Variants in CRADD observed in about 807,000 individuals in gnomAD.
The protein encoded by CRADD is death domain-containing protein CRADD.
CRADD carries 9 observed loss-of-function variants against 15.5 expected under a neutral mutation model. The ratio of observed to expected loss-of-function variants is 0.58; its 90% confidence interval spans 0.35 to 1.01. The LOEUF (loss-of-function observed/expected upper bound fraction) is 1.01, where lower values mean the gene tolerates loss of function less well. Among genes scored for constraint, CRADD ranks in the 50% least tolerant of loss-of-function variants. CRADD has a pLI of 0.02. For missense variants in CRADD, 227 were observed against 250.3 expected (o/e 0.91, Z 0.63); for synonymous variants, 118 against 107.6 (o/e 1.10, Z -0.60).
chr12:93,785,493 T>C (rs1033820400), intron 2 of CRADD, among the ~76,000 whole-genome samples: 3 of 152,228 alleles, frequency 2.0e-5, no homozygotes, highest in Admixed American at 6.5e-5. Context: ...GGGCTTCCTT[T>C]GTAGCTTCTT....
chr12:93,725,444 C>CA lies in CRADD; in HGVS notation c.298+46375dup, dbSNP rs547963084. On this transcript the variant is annotated intron_variant, in intron 2 of 2. Transcript: ENST00000332896. ...TGTTTTTAAAAAGTAGAAATTGAACCAAATGCCATTACTGTCTTTATTGAC... is the reference window on the plus strand; with the variant it reads ...TGTTTTTAAAAAGTAGAAATTGAACCAAAATGCCATTACTGTCTTTATTGAC... Among the ~76,000 whole-genome samples, 353 of 143,104 alleles carry CA rather than the reference C, an allele frequency of 2.5e-3. 2 individuals are homozygous for CA. Among genetic ancestry groups the CA allele is most frequent in the African/African-American group, 9.9e-3 (327 of 33,150 alleles). 93.9% of individuals were successfully genotyped at this position (143,104 alleles called of 152,430 possible).
chr12:93,833,083 G>T (rs1452293414), intron 2 of CRADD, among the ~76,000 whole-genome samples: 1 of 152,186 alleles, frequency 6.6e-6, no homozygotes, highest in Non-Finnish European at 1.5e-5. Flanking sequence ...AGGCTCTTTT[G>T]CCTTTGTGGC....
At chr12:93,880,583 G>C (rs555809236) in intron 2 of CRADD, among the ~76,000 whole-genome samples, 1 of 152,260 alleles carries the variant, frequency 6.6e-6, no homozygotes, top group African/African-American at 2.4e-5. Context: ...TAAAAATATG[G>C]TTTGGAAGTG....
At position 93,850,187 on chromosome 12, in the gene CRADD, G is replaced by A; in HGVS notation, c.516G>A (p.Gly172=). 2 of 1,613,698 alleles carry A rather than the reference G, an allele frequency of 1.2e-6. No homozygotes were observed. Among genetic ancestry groups the A allele is most frequent in the South Asian group, 2.2e-5 (2 of 91,080 alleles). Residue 172 remains glycine (G), a synonymous_variant, in exon 3 of 3, where the codon GGG becomes GGA. Transcript: ENST00000332896. This position sits in a 1 kb window ranked among gnomAD's most constrained non-coding sequence, Gnocchi z 4.0. ...EAFIRWRQRF[G]KQATFQSLHN... The stretch of plus-strand genomic sequence containing the variant: ...TCATCCGTTGGCGGCAGCGCTTCGG[G>A]AAGCAGGCCACCTTCCAGAGCCTGC...
intron 2 of CRADD, among the ~76,000 whole-genome samples, chr12:93,691,864 G>A (rs1218304666): frequency 6.6e-6 from 1 of 152,082 alleles, no homozygotes; most frequent in Non-Finnish European, 1.5e-5. Flanking sequence ...ACCAAAATGA[G>A]AAATTTTGAA....
chr12:93,837,624 A>G (rs1327868583), intron 2 of CRADD: 1 of 152,196 alleles, frequency 6.6e-6, no homozygotes, highest in Non-Finnish European at 1.5e-5. Context: ...CTAAAGGCCC[A>G]CGAGGGTTGT....
intron 2 of CRADD, among the ~76,000 whole-genome samples, chr12:93,783,814 A>C (rs1957239531): frequency 6.6e-6 from 1 of 152,240 alleles, no homozygotes; most frequent in Admixed American, 6.5e-5. Flanking sequence ...AAGCAAATGA[A>C]CAAGTGAAAT....
chr12:93,725,620 T>C (rs955732022), intron 2 of CRADD, among the ~76,000 whole-genome samples: 8 of 152,232 alleles, frequency 5.3e-5, no homozygotes, highest in African/African-American at 1.9e-4. Context: ...GAGATTCAGA[T>C]TTTGCTGAAG....
chr12:93,746,152 T>A (rs955130861), intron 2 of CRADD, among the ~76,000 whole-genome samples: 2 of 152,220 alleles, frequency 1.3e-5, no homozygotes, highest in Non-Finnish European at 2.9e-5. Flanking sequence ...AGAAAATTAA[T>A]GAGCTACAGG....
At chr12:93,687,613 A>G (rs967215426) in intron 2 of CRADD, among the ~76,000 whole-genome samples, 86 of 152,302 alleles carry the variant, frequency 5.6e-4, no homozygotes, top group African/African-American at 2.0e-3. Flanking sequence ...GCTGGTTAGG[A>G]GCGTGCCTCC....
intron 2 of CRADD, among the ~76,000 whole-genome samples, chr12:93,795,505 A>G (rs1453277444): frequency 1.3e-5 from 2 of 152,198 alleles, no homozygotes; most frequent in Non-Finnish European, 2.9e-5. Flanking sequence ...GGCTGCTCGC[A>G]CGTCCTCTTC....
At chr12:93,811,285 C>T (rs2137008196) in intron 2 of CRADD, among the ~76,000 whole-genome samples, 1 of 152,280 alleles carries the variant, frequency 6.6e-6, no homozygotes, top group East Asian at 1.9e-4. Context: ...CCTTACAGCC[C>T]CTCCCCAGAA....
intron 2 of CRADD, among the ~76,000 whole-genome samples, chr12:93,838,214 G>GTTTTTTTT (rs66564800): frequency 1.9e-4 from 25 of 130,584 alleles, no homozygotes; most frequent in African/African-American, 2.3e-4. Context: ...TCCTTTTGAG[G>GTTTTTTTT]TTTTTTTTTT....
chr12:93,882,036 A>T (rs1958505668), intron 2 of CRADD, among the ~76,000 whole-genome samples: 2 of 152,148 alleles, frequency 1.3e-5, no homozygotes, highest in South Asian at 4.1e-4. Context: ...AGGCAGGAGA[A>T]TCGCTTGAAC....
At chr12:93,838,000 G>C (rs1050949532) in intron 2 of CRADD, 2 of 152,136 alleles carry the variant, frequency 1.3e-5, no homozygotes, top group Non-Finnish European at 2.9e-5. Context: ...GGACTCGATA[G>C]TCAAATCAAG....
intron 2 of CRADD, among the ~76,000 whole-genome samples, chr12:93,874,225 T>C (rs540089861): frequency 3.3e-5 from 5 of 152,142 alleles, no homozygotes; most frequent in Non-Finnish European, 7.4e-5. Flanking sequence ...TTCCAATTTA[T>C]TGGCATTTGG....
intron 2 of CRADD, among the ~76,000 whole-genome samples, chr12:93,786,762 GA>G (rs1394384348): frequency 6.6e-6 from 1 of 152,154 alleles, no homozygotes; most frequent in Non-Finnish European, 1.5e-5. Flanking sequence ...TGACAATGAG[GA>G]AACACGAGAC....
intron 2 of CRADD, among the ~76,000 whole-genome samples, chr12:93,779,594 T>C (rs1957178653): frequency 6.7e-6 from 1 of 149,240 alleles, no homozygotes; most frequent in African/African-American, 2.4e-5. Flanking sequence ...AAAGAACCTT[T>C]TTTTTTTTTT....
chr12:93,788,633 AGTT>A lies in CRADD; in HGVS notation c.299-61331_299-61329del, dbSNP rs776832395. ...TGATTTTAAAGGGAGGGTGTGAGGT[AGTT>A]GTTGTCTAGTTGTCTAGATATCCTC... On this transcript the variant is annotated intron_variant, in intron 2 of 2. Transcript: ENST00000332896. 5.9e-5 allele frequency among the ~76,000 whole-genome samples: 9 copies of A among 152,270 alleles called. No homozygotes were observed. In the South Asian group the frequency reaches 1.0e-3, roughly 18 times the overall value.
Sources: gnomAD v4.1 joint callset for allele counts (sites outside exome capture counted in the v4.1 genomes callset) on GRCh38, gnomAD v4.1.1 for gene constraint, Gnocchi (gnomAD v3.1) non-coding constraint, MANE v1.5 for transcripts, NCBI Gene and HGNC (gene_info 2026-07-23, HGNC 2026-07-21) for gene names.